WWOX: variants seen among roughly 807,000 people sequenced by gnomAD.
WWOX encodes the protein WW domain containing oxidoreductase, also known as WW domain-containing oxidoreductase.
Under a neutral mutation model 46.2 loss-of-function variants are expected in WWOX, and 69 were observed. The observed-to-expected ratio is 1.49, with a 90% CI of 1.23 to 1.82. The LOEUF (loss-of-function observed/expected upper bound fraction) is 1.82. Among genes scored for constraint, WWOX ranks in the 40% most tolerant of loss-of-function variants. The pLI, the probability that WWOX is intolerant of heterozygous loss-of-function variation, is 0.00. For missense variants in WWOX, 919 were observed against 542.6 expected (o/e 1.69, Z -6.89); for synonymous variants, 359 against 202.6 (o/e 1.77, Z -6.56).
intron 8 of WWOX, among the ~76,000 whole-genome samples, chr16:79,187,697 A>G (rs981623792): frequency 1.3e-5 from 2 of 152,058 alleles, no homozygotes; most frequent in African/African-American, 4.8e-5. Flanking sequence ...ATGCGCCACC[A>G]TGCCTGGCTA....
intron 8 of WWOX, among the ~76,000 whole-genome samples, chr16:78,953,729 T>A (rs958774957): frequency 1.3e-5 from 2 of 152,200 alleles, no homozygotes; most frequent in Non-Finnish European, 2.9e-5. Flanking sequence ...AACTCTTTCC[T>A]GGAATGCCTG....
intron 8 of WWOX, among the ~76,000 whole-genome samples, chr16:78,797,266 C>T (rs1266630735): frequency 6.7e-6 from 1 of 149,726 alleles, no homozygotes; most frequent in African/African-American, 2.5e-5. Flanking sequence ...CTCAAGTCAG[C>T]CACCTCTGAC....
At chr16:78,170,408 C>T (rs2035116804) in intron 5 of WWOX, among the ~76,000 whole-genome samples, 1 of 152,116 alleles carries the variant, frequency 6.6e-6, no homozygotes, top group Non-Finnish European at 1.5e-5. Context: ...AAATTAAGTG[C>T]TCAATTAAAT....
intron 8 of WWOX, among the ~76,000 whole-genome samples, chr16:78,457,415 C>T (rs2083845433): frequency 1.3e-5 from 2 of 152,298 alleles, no homozygotes; most frequent in South Asian, 2.1e-4. Flanking sequence ...GGTATTGCTT[C>T]GTGTCTTCCA....
intron 8 of WWOX, among the ~76,000 whole-genome samples, chr16:78,543,875 G>T (rs752524359): frequency 6.6e-6 from 1 of 152,126 alleles, no homozygotes; most frequent in Non-Finnish European, 1.5e-5. Context: ...CTGTTTATTT[G>T]TATCAAGGAC....
chr16:78,208,965 A>G (rs1238759927), intron 5 of WWOX, among the ~76,000 whole-genome samples: 1 of 152,116 alleles, frequency 6.6e-6, no homozygotes, highest in African/African-American at 2.4e-5. Flanking sequence ...CTGGGGAAAG[A>G]AGAATGGGAA....
At chr16:78,298,707 C>G (rs1301799363) in intron 5 of WWOX, among the ~76,000 whole-genome samples, 1 of 151,756 alleles carries the variant, frequency 6.6e-6, no homozygotes, top group Non-Finnish European at 1.5e-5. Flanking sequence ...AGGAGAATCG[C>G]TTAAACCTGG....
chr16:79,082,683 C>T (rs1303314874), intron 8 of WWOX, among the ~76,000 whole-genome samples: 1 of 152,166 alleles, frequency 6.6e-6, no homozygotes, highest in African/African-American at 2.4e-5. Context: ...TAGCTTCTGC[C>T]AGCACATTTG....
At chr16:78,420,891 G>T (rs907801528) in intron 6 of WWOX, among the ~76,000 whole-genome samples, 1 of 152,042 alleles carries the variant, frequency 6.6e-6, no homozygotes, top group African/African-American at 2.4e-5. Context: ...CTGTATATCT[G>T]GAAATCTTTT....
At chr16:78,955,450 C>T (rs1204212295) in intron 8 of WWOX, among the ~76,000 whole-genome samples, 1 of 152,132 alleles carries the variant, frequency 6.6e-6, no homozygotes, top group African/African-American at 2.4e-5. Flanking sequence ...AAAAGAGATT[C>T]TATTTTTACT....
chr16:78,558,236 A>G (rs1045857458), intron 8 of WWOX, among the ~76,000 whole-genome samples: 1 of 152,202 alleles, frequency 6.6e-6, no homozygotes, highest in Non-Finnish European at 1.5e-5. Flanking sequence ...GTAAGAAGTA[A>G]GAAAATTTCT....
intron 5 of WWOX, among the ~76,000 whole-genome samples, chr16:78,327,996 C>G (rs2080668532): frequency 6.7e-6 from 1 of 150,322 alleles, no homozygotes; most frequent in Non-Finnish European, 1.5e-5. Context: ...CCCATCTCAG[C>G]TACTTAGTAG....
intron 8 of WWOX, among the ~76,000 whole-genome samples, chr16:79,028,375 C>T (rs940357676): frequency 1.3e-5 from 2 of 151,842 alleles, no homozygotes; most frequent in Non-Finnish European, 2.9e-5. Context: ...TAAATTCAGT[C>T]CAGACATTCT....
At chr16:78,875,639 C>T (rs991390283) in intron 8 of WWOX, among the ~76,000 whole-genome samples, 1 of 152,142 alleles carries the variant, frequency 6.6e-6, no homozygotes, top group African/African-American at 2.4e-5. Flanking sequence ...TTTCACCAGC[C>T]ACCTTTTATA....
At chr16:78,719,282 G>T (rs558068227) in intron 8 of WWOX, among the ~76,000 whole-genome samples, 1 of 152,184 alleles carries the variant, frequency 6.6e-6, no homozygotes, top group African/African-American at 2.4e-5. Context: ...TGGCTGAAGG[G>T]TTATTCTGGG....
intron 8 of WWOX, among the ~76,000 whole-genome samples, chr16:79,047,672 ATTTTTTT>A (rs71140858): frequency 1.9e-4 from 10 of 53,542 alleles, no homozygotes; most frequent in East Asian, 5.1e-4. Context: ...GACTGTCCTG[ATTTTTTT>A]TTTTTTTTTT....
chr16:78,470,730 T>C (rs1277990074), intron 8 of WWOX, among the ~76,000 whole-genome samples: 2 of 152,162 alleles, frequency 1.3e-5, no homozygotes, highest in Non-Finnish European at 2.9e-5. Flanking sequence ...GGTTTCACCA[T>C]GTGGGCCAGG....
chr16:78,590,780 A>G (rs1230996780), intron 8 of WWOX, among the ~76,000 whole-genome samples: 2 of 152,172 alleles, frequency 1.3e-5, no homozygotes, highest in East Asian at 1.9e-4. Context: ...CTTCATTTGC[A>G]AGACCTAATT....
intron 8 of WWOX, among the ~76,000 whole-genome samples, chr16:79,136,483 C>G (rs751674468): frequency 5.3e-5 from 8 of 152,184 alleles, no homozygotes; most frequent in Non-Finnish European, 1.2e-4. Flanking sequence ...CCCGCCTCGG[C>G]CTCCCAAAGT....
Sources: allele counts gnomAD v4.1 joint callset (sites outside exome capture counted in the v4.1 genomes callset), GRCh38; gene constraint gnomAD v4.1.1; transcripts MANE v1.5; gene names NCBI Gene and HGNC (gene_info 2026-07-23, HGNC 2026-07-21).